The following GBA1 variants were observed in gnomAD, a reference collection of about 807,000 sequenced individuals.
GBA1 encodes glucosylceramidase beta 1.
chr1:155,237,226 G>A, the GBA1 span: 5 of 1,563,536 alleles, frequency 3.2e-6, no homozygotes, highest in Non-Finnish European at 3.5e-6. Context: ...AGGTCCAGGG[G>A]AATGGTGCTC....
the GBA1 span, among the ~76,000 whole-genome samples, chr1:155,241,867 G>A: frequency 3.3e-5 from 5 of 152,218 alleles, no homozygotes; most frequent in African/African-American, 1.2e-4. Context: ...CTCCTCTGCA[G>A]CGTCCCTTGT....
chr1:155,239,699 A>C, the GBA1 span: 1 of 1,614,140 alleles, frequency 6.2e-7, no homozygotes, highest in South Asian at 1.1e-5. Context: ...AGCATCTGTC[A>C]TGGCCCCTCC....
chr1:155,236,161 C>A, the GBA1 span: 11 of 1,206,244 alleles, frequency 9.1e-6, no homozygotes, highest in Admixed American at 1.9e-4. Context: ...GAAAGCTGGA[C>A]AGGAAGGGCT....
chr1:155,241,108 T>G, the GBA1 span: 1 of 1,613,960 alleles, frequency 6.2e-7, no homozygotes, highest in Non-Finnish European at 8.5e-7. Context: ...ACTTGAAAAC[T>G]CCATCCCCTC....
At chr1:155,236,928 G>A in the GBA1 span, among the ~76,000 whole-genome samples, 7 of 151,476 alleles carry the variant, frequency 4.6e-5, no homozygotes, top group Non-Finnish European at 8.8e-5. Context: ...GCAGTGGCGC[G>A]ATCTCGGCTC....
chr1:155,242,756 C>G, the GBA1 span, among the ~76,000 whole-genome samples: 94 of 151,802 alleles, frequency 6.2e-4, no homozygotes, highest in Admixed American at 1.9e-3. Context: ...CCATGCCCAG[C>G]TAATTTTTGT....
At chr1:155,235,577 C>T in the GBA1 span, 1 of 1,324,692 alleles carries the variant, frequency 7.5e-7, no homozygotes, top group Admixed American at 2.0e-5. Flanking sequence ...CGAGGTTCCA[C>T]CCTGAACACC....
the GBA1 span, chr1:155,236,332 C>T: frequency 6.2e-7 from 1 of 1,614,216 alleles, no homozygotes; most frequent in Non-Finnish European, 8.5e-7. Flanking sequence ...CCACACAGGC[C>T]TCTGAGGCAA....
the GBA1 span, among the ~76,000 whole-genome samples, chr1:155,241,648 A>G: frequency 6.6e-6 from 1 of 152,224 alleles, no homozygotes; most frequent in Non-Finnish European, 1.5e-5. Flanking sequence ...AGACACACAG[A>G]TATTTACAGA....
chr1:155,235,813 T>G, the GBA1 span: 8 of 1,614,186 alleles, frequency 5.0e-6, no homozygotes, highest in Non-Finnish European at 6.8e-6. Context: ...AAGGTTCCAG[T>G]CGGTCCAGCC....
chr1:155,235,527 C>G, the GBA1 span: 1 of 1,111,198 alleles, frequency 9.0e-7, no homozygotes, highest in Non-Finnish European at 1.3e-6. Flanking sequence ...CTAGTCACTT[C>G]CTGCCTCCAT....
At chr1:155,235,598 C>T in the GBA1 span, 1 of 1,411,318 alleles carries the variant, frequency 7.1e-7, no homozygotes. Context: ...TTCCTGCTCC[C>T]TCGTGGTGTA....
At chr1:155,243,919 A>T in the GBA1 span, among the ~76,000 whole-genome samples, 1 of 151,914 alleles carries the variant, frequency 6.6e-6, no homozygotes, top group South Asian at 2.1e-4. Context: ...CTGCAGCTCC[A>T]GTGCGAATCC....
chr1:155,239,258 G>A, the GBA1 span, among the ~76,000 whole-genome samples: 105 of 151,050 alleles, frequency 7.0e-4, no homozygotes, highest in Middle Eastern at 3.5e-3. Context: ...TGCTGGGCTC[G>A]GTGGCTCACA....
the GBA1 span, among the ~76,000 whole-genome samples, chr1:155,243,820 T>G: frequency 1.3e-5 from 2 of 151,986 alleles, no homozygotes; most frequent in South Asian, 2.1e-4. Flanking sequence ...TCACCCAGGC[T>G]GGAGTGCAGT....
At chr1:155,236,591 T>G in the GBA1 span, 6 of 773,914 alleles carry the variant, frequency 7.8e-6, no homozygotes, top group Non-Finnish European at 1.3e-5. Context: ...TTTGGGGAGA[T>G]TTTTTTTTGT....
chr1:155,243,160 A>G, the GBA1 span, among the ~76,000 whole-genome samples: 1 of 152,298 alleles, frequency 6.6e-6, no homozygotes, highest in South Asian at 2.1e-4. Context: ...CATTCTAAGT[A>G]TCCTCGTAGA....
At chr1:155,240,164 C>G in the GBA1 span, 6 of 1,302,196 alleles carry the variant, frequency 4.6e-6, no homozygotes, top group Non-Finnish European at 5.5e-6. Flanking sequence ...AACACGGTTT[C>G]AAAATTCCTC....
At chr1:155,237,613 G>C in the GBA1 span, 1 of 1,611,686 alleles carries the variant, frequency 6.2e-7, no homozygotes, top group Non-Finnish European at 8.5e-7. Flanking sequence ...ATCCGGCCAA[G>C]AAAGTGGACC....
Sources: allele counts gnomAD v4.1 joint callset (sites outside exome capture counted in the v4.1 genomes callset), GRCh38; gene constraint gnomAD v4.1.1; transcripts MANE v1.5; gene names NCBI Gene and HGNC (gene_info 2026-07-23, HGNC 2026-07-21).